Variants in CTNND2 observed in about 807,000 individuals in gnomAD.
CTNND2 encodes the protein catenin delta-2.
Under a neutral mutation model 144.4 loss-of-function variants are expected in CTNND2, and 22 were observed. The observed-to-expected ratio is 0.15, with a 90% CI of 0.11 to 0.22. The LOEUF (loss-of-function observed/expected upper bound fraction) is 0.22. Among genes scored for constraint, CTNND2 ranks in the 10% least tolerant of loss-of-function variants. The probability of loss-of-function intolerance (pLI) is 1.00; values close to 1 mark genes in which losing one functional copy is unlikely to be tolerated. For synonymous variants in CTNND2, 751 were observed against 695.6 expected (o/e 1.08, Z -1.25); for missense variants, 1,353 against 1,618.8 (o/e 0.84, Z 2.82).
chr5:11,271,141 T>C (rs1278310690), intron 9 of CTNND2, among the ~76,000 whole-genome samples: 3 of 152,202 alleles, frequency 2.0e-5, no homozygotes, highest in Non-Finnish European at 4.4e-5. Context: ...CTCGCAAAGG[T>C]AGATGCATTT....
intron 1 of CTNND2, among the ~76,000 whole-genome samples, chr5:11,820,455 CT>C (rs1793250371): frequency 6.6e-6 from 1 of 152,174 alleles, no homozygotes; most frequent in Non-Finnish European, 1.5e-5. Context: ...ATTGCATTAA[CT>C]CCTGCTCCAA....
intron 9 of CTNND2, among the ~76,000 whole-genome samples, chr5:11,318,305 C>A (rs1751703206): frequency 6.6e-6 from 1 of 152,186 alleles, no homozygotes; most frequent in African/African-American, 2.4e-5. Flanking sequence ...TCAGAGGAGG[C>A]CTGACTCACT....
At chr5:11,786,466 A>G (rs1790836097) in intron 1 of CTNND2, among the ~76,000 whole-genome samples, 1 of 152,226 alleles carries the variant, frequency 6.6e-6, no homozygotes, top group African/African-American at 2.4e-5. Context: ...AGAAAACTAG[A>G]TGCTACTGAT....
At chr5:11,810,399 C>T (rs1351044804) in intron 1 of CTNND2, among the ~76,000 whole-genome samples, 1 of 152,070 alleles carries the variant, frequency 6.6e-6, no homozygotes, top group African/African-American at 2.4e-5. Flanking sequence ...TAGAAAATTA[C>T]TTTTTAAGCT....
intron 16 of CTNND2, among the ~76,000 whole-genome samples, chr5:11,029,659 T>C (rs577853986): frequency 1.4e-4 from 21 of 152,368 alleles, no homozygotes; most frequent in African/African-American, 4.3e-4. Flanking sequence ...AAACGAATTA[T>C]GTAGAAAATT....
At chr5:11,264,366 CTT>C (rs1251959892) in intron 9 of CTNND2, among the ~76,000 whole-genome samples, 1 of 152,178 alleles carries the variant, frequency 6.6e-6, no homozygotes, top group Admixed American at 6.5e-5. Context: ...TCCAATAAAA[CTT>C]TATTTTCAGA....
At chr5:11,417,412 A>G (rs1319080475) in intron 3 of CTNND2, among the ~76,000 whole-genome samples, 2 of 152,228 alleles carry the variant, frequency 1.3e-5, no homozygotes, top group Non-Finnish European at 1.5e-5. Flanking sequence ...TGCAAGGCAT[A>G]TAACTTACAA....
chr5:11,564,097 T>A (rs2150105987), intron 3 of CTNND2, among the ~76,000 whole-genome samples: 1 of 152,272 alleles, frequency 6.6e-6, no homozygotes, highest in Non-Finnish European at 1.5e-5. Context: ...CGTGAGTCAC[T>A]ATATGGAGAA....
intron 1 of CTNND2, among the ~76,000 whole-genome samples, chr5:11,788,533 CCT>C (rs1206950093): frequency 3.3e-5 from 5 of 152,118 alleles, no homozygotes; most frequent in South Asian, 2.1e-4. Context: ...GAAAAAGTCT[CCT>C]CTGTTTCTCC....
At chr5:11,050,900 C>G (rs1031549046) in intron 16 of CTNND2, among the ~76,000 whole-genome samples, 5 of 152,174 alleles carry the variant, frequency 3.3e-5, no homozygotes, top group African/African-American at 1.2e-4. Context: ...CTCATAACAT[C>G]TCCGTGCTAT....
At chr5:11,651,614 C>G (rs1782649454) in intron 2 of CTNND2, among the ~76,000 whole-genome samples, 1 of 152,230 alleles carries the variant, frequency 6.6e-6, no homozygotes, top group African/African-American at 2.4e-5. Context: ...GCCACAGAAG[C>G]TGTAACCTGC....
At chr5:11,037,109 TTGG>T (rs1434366046) in intron 16 of CTNND2, among the ~76,000 whole-genome samples, 1 of 152,194 alleles carries the variant, frequency 6.6e-6, no homozygotes. Context: ...GCCTTTTCAG[TTGG>T]TGGTAATCCA....
At chr5:11,512,324 C>T (rs948777113) in intron 3 of CTNND2, among the ~76,000 whole-genome samples, 4 of 152,134 alleles carry the variant, frequency 2.6e-5, no homozygotes, top group Non-Finnish European at 4.4e-5. Flanking sequence ...CTCTATAATC[C>T]GTCTCTACAC....
intron 3 of CTNND2, among the ~76,000 whole-genome samples, chr5:11,513,456 AGAAAG>A (rs1349687115): frequency 6.6e-6 from 1 of 152,210 alleles, no homozygotes; most frequent in Non-Finnish European, 1.5e-5. Flanking sequence ...AATGTGATCA[AGAAAG>A]GATTAGCATT....
intron 9 of CTNND2, among the ~76,000 whole-genome samples, chr5:11,304,804 T>C (rs1750006497): frequency 6.6e-6 from 1 of 152,194 alleles, no homozygotes; most frequent in South Asian, 2.1e-4. Flanking sequence ...TTCCTCCTTT[T>C]CCAACATGTT....
At chr5:11,321,893 C>T (rs1466559346) in intron 9 of CTNND2, among the ~76,000 whole-genome samples, 2 of 152,086 alleles carry the variant, frequency 1.3e-5, no homozygotes, top group Admixed American at 1.3e-4. Flanking sequence ...AACCCTATCT[C>T]CCCACTCCTT....
chr5:11,856,469 G>C (rs1325457219), intron 1 of CTNND2, among the ~76,000 whole-genome samples: 4 of 152,160 alleles, frequency 2.6e-5, no homozygotes, highest in Non-Finnish European at 4.4e-5. Context: ...GACAAACTCG[G>C]CTCAGGATGA....
intron 1 of CTNND2, among the ~76,000 whole-genome samples, chr5:11,790,825 G>A (rs148149990): frequency 7.4e-4 from 112 of 152,274 alleles, no homozygotes; most frequent in Non-Finnish European, 1.2e-3. Flanking sequence ...GTAGGGTCAG[G>A]AGCCCACATA....
intron 10 of CTNND2, among the ~76,000 whole-genome samples, chr5:11,208,380 G>GA (rs1224918098): frequency 4.6e-5 from 7 of 151,716 alleles, no homozygotes; most frequent in African/African-American, 1.5e-4. Flanking sequence ...ATGAACATAG[G>GA]AAAAAAATCA....
Sources: gnomAD v4.1 joint callset for allele counts (sites outside exome capture counted in the v4.1 genomes callset) on GRCh38, gnomAD v4.1.1 for gene constraint, MANE v1.5 for transcripts, NCBI Gene and HGNC (gene_info 2026-07-23, HGNC 2026-07-21) for gene names.